RAP1A: variants seen among roughly 807,000 people sequenced by gnomAD.
RAP1A encodes the protein RAP1A, member of RAS oncogene family, also known as ras-related protein Rap-1A.
In RAP1A, 6 loss-of-function variants were observed where a neutral mutation model predicts 26.4. The observed-to-expected ratio is 0.23, with a 90% CI of 0.12 to 0.45. RAP1A has a LOEUF of 0.45. Among genes scored for constraint, RAP1A ranks in the 20% least tolerant of loss-of-function variants. The pLI, the probability that RAP1A is intolerant of heterozygous loss-of-function variation, is 0.99. For synonymous variants in RAP1A, 73 were observed against 79.4 expected (o/e 0.92, Z 0.43); for missense variants, 121 against 217.2 (o/e 0.56, Z 2.78).
chr1:111,582,673 CTTG>C (rs1295866420), intron 1 of RAP1A, among the ~76,000 whole-genome samples: 1 of 152,202 alleles, frequency 6.6e-6, no homozygotes, highest in Non-Finnish European at 1.5e-5. Context: ...GCATCTCTAG[CTTG>C]TTAACTGTAA....
At chr1:111,642,468 C>T (rs1282776082) in intron 1 of RAP1A, among the ~76,000 whole-genome samples, 1 of 151,192 alleles carries the variant, frequency 6.6e-6, no homozygotes, top group African/African-American at 2.4e-5. Context: ...AATGCGTCTT[C>T]TGATAAACTA....
At chr1:111,701,129 T>C (rs1175235286) in intron 4 of RAP1A, among the ~76,000 whole-genome samples, 1 of 152,208 alleles carries the variant, frequency 6.6e-6, no homozygotes, top group Admixed American at 6.6e-5. Flanking sequence ...TTTATTACAT[T>C]TCCCTGAAAG....
In RAP1A at chr1:111,603,087, C is replaced by T. The variant is rs181053946; in HGVS notation, c.-28+60578C>T. ...ACCCTACTTCCCCACCTACCCCATTCTCTTCAACTGCCAGAGGGCTTTCCT... is the reference window on the plus strand; with the variant it reads ...ACCCTACTTCCCCACCTACCCCATTTTCTTCAACTGCCAGAGGGCTTTCCT... On this transcript the variant is annotated intron_variant, in intron 1 of 7. Coordinates refer to the RAP1A transcript ENST00000356415. Among the ~76,000 whole-genome samples the T allele has an allele frequency of 4.3e-3, 660 of 152,354 alleles. 4 individuals are homozygous for T. Among genetic ancestry groups the T allele is most frequent in the Non-Finnish European group, 7.2e-3 (490 of 68,028 alleles).
At chr1:111,645,981 T>C (rs1660052648) in intron 1 of RAP1A, among the ~76,000 whole-genome samples, 1 of 152,198 alleles carries the variant, frequency 6.6e-6, no homozygotes, top group African/African-American at 2.4e-5. Flanking sequence ...TTTCCTCAGA[T>C]TACACACACG....
intron 1 of RAP1A, among the ~76,000 whole-genome samples, chr1:111,567,037 A>C (rs1657932579): frequency 6.6e-6 from 1 of 152,092 alleles, no homozygotes; most frequent in African/African-American, 2.4e-5. Flanking sequence ...ATATTTTTTC[A>C]TCCATTGAAC....
At chr1:111,596,774 C>A (rs2101069371) in intron 1 of RAP1A, among the ~76,000 whole-genome samples, 1 of 152,294 alleles carries the variant, frequency 6.6e-6, no homozygotes, top group Non-Finnish European at 1.5e-5. Flanking sequence ...GGAAACTCAC[C>A]AGAGTCCTTT....
chr1:111,544,204 A>G (rs1057434673), intron 1 of RAP1A, among the ~76,000 whole-genome samples: 1 of 152,174 alleles, frequency 6.6e-6, no homozygotes, highest in African/African-American at 2.4e-5. Context: ...CTCATCTTTG[A>G]TTTATCCCTT....
intron 1 of RAP1A, among the ~76,000 whole-genome samples, chr1:111,628,985 G>A (rs1571509229): frequency 6.6e-6 from 1 of 152,026 alleles, no homozygotes; most frequent in South Asian, 2.1e-4. Context: ...TTGAGTTCTT[G>A]GTTAACAGGA....
chr1:111,646,806 C>T (rs149991447), intron 1 of RAP1A, among the ~76,000 whole-genome samples: 11 of 152,212 alleles, frequency 7.2e-5, no homozygotes, highest in Non-Finnish European at 8.8e-5. Flanking sequence ...CCCAAAGTGC[C>T]GGGATTACAG....
chr1:111,654,504 T>G (rs553141261), intron 1 of RAP1A, among the ~76,000 whole-genome samples: 1 of 152,302 alleles, frequency 6.6e-6, no homozygotes, highest in African/African-American at 2.4e-5. Context: ...ATTTACTAAT[T>G]GTTTTGTGAG....
rs150689613 is a variant in RAP1A at position 111,590,208 on chromosome 1, A to G, written c.-28+47699A>G. On this transcript the variant is annotated intron_variant, in intron 1 of 7. Coordinates refer to the RAP1A transcript ENST00000356415. ...TTCAATTTTCTATGTAGATAATCAC[A>G]TTGATTGTGAATACTGTAGTTTGTT... Among the ~76,000 whole-genome samples the G allele has an allele frequency of 4.1e-3, 626 of 152,318 alleles. 2 individuals carry two copies. The highest frequency in any genetic ancestry group is 7.4e-3 in the Non-Finnish European group (501 of 68,024).
At chr1:111,685,834 T>C (rs1422872267) in intron 1 of RAP1A, among the ~76,000 whole-genome samples, 2 of 152,210 alleles carry the variant, frequency 1.3e-5, no homozygotes, top group Non-Finnish European at 2.9e-5. Context: ...CATATGTTTA[T>C]TGCAGCATTA....
intron 1 of RAP1A, among the ~76,000 whole-genome samples, chr1:111,689,927 C>T (rs1216356242): frequency 3.9e-5 from 6 of 152,138 alleles, no homozygotes; most frequent in African/African-American, 9.7e-5. Flanking sequence ...CCACCCGCCT[C>T]GACCTCCCAA....
At chr1:111,647,782 A>T (rs1660118785) in intron 1 of RAP1A, among the ~76,000 whole-genome samples, 1 of 149,040 alleles carries the variant, frequency 6.7e-6, no homozygotes. Flanking sequence ...ACCCCTTCCC[A>T]CCTTAGCCTC....
intron 1 of RAP1A, among the ~76,000 whole-genome samples, chr1:111,652,220 C>T (rs988612496): frequency 2.6e-5 from 4 of 151,900 alleles, no homozygotes; most frequent in African/African-American, 7.3e-5. Flanking sequence ...GTGATCCACC[C>T]ACCTTAGCCT....
chr1:111,641,394 T>C (rs1420713911), intron 1 of RAP1A, among the ~76,000 whole-genome samples: 1 of 152,196 alleles, frequency 6.6e-6, no homozygotes, highest in Non-Finnish European at 1.5e-5. Flanking sequence ...GGCTTGGCTA[T>C]ACATTAGATT....
intron 1 of RAP1A, among the ~76,000 whole-genome samples, chr1:111,620,918 T>C (rs1659183078): frequency 6.6e-6 from 1 of 152,204 alleles, no homozygotes; most frequent in African/African-American, 2.4e-5. Flanking sequence ...CTCTTAGGGC[T>C]GAGAACCAGA....
rs1451447405 is a variant in RAP1A at position 111,716,511 on chromosome 1, A to T, written c.*4110A>T. 1 of 152,232 alleles carries T rather than the reference A, an allele frequency of 6.6e-6. No individual in the cohort carries two copies. The highest frequency in any genetic ancestry group is 2.4e-5 in the African/African-American group (1 of 41,466). 9.4% of individuals were successfully genotyped at this position (152,232 alleles called of 1,614,324 possible). A position where few individuals can be genotyped will look rare whatever the true frequency, so the allele number is the denominator to read the frequency against. ...GCAACGTGGATTCTGTTTTGTAGACATTAATGAGCTTTAAATGGGAATTGG... is the reference window on the plus strand; with the variant it reads ...GCAACGTGGATTCTGTTTTGTAGACTTTAATGAGCTTTAAATGGGAATTGG... On this transcript the variant is annotated 3_prime_UTR_variant, in exon 8 of 8. Coordinates refer to ENST00000369709, the MANE Select transcript of RAP1A (RefSeq NM_002884.4).
At chr1:111,574,591 T>C (rs1412085009) in intron 1 of RAP1A, among the ~76,000 whole-genome samples, 4 of 152,250 alleles carry the variant, frequency 2.6e-5, no homozygotes, top group Admixed American at 6.5e-5. Flanking sequence ...TCCATGAACA[T>C]GGAAGGTTTT....
Sources: allele counts gnomAD v4.1 joint callset (sites outside exome capture counted in the v4.1 genomes callset), GRCh38; gene constraint gnomAD v4.1.1; transcripts MANE v1.5; gene names NCBI Gene and HGNC (gene_info 2026-07-23, HGNC 2026-07-21).